MIA2: variants seen among roughly 807,000 people sequenced by gnomAD.
The protein encoded by MIA2 is MIA SH3 domain ER export factor 2.
A neutral mutation model predicts 167.8 loss-of-function variants in MIA2; 127 were observed. The ratio of observed to expected loss-of-function variants is 0.76; its 90% CI spans 0.66 to 0.88. The LOEUF (loss-of-function observed/expected upper bound fraction) is 0.88. MIA2 is among the 40% of genes least tolerant of loss of function. MIA2 has a pLI of 0.00. For missense variants in MIA2, 1,690 were observed against 1,624.7 expected, an observed-to-expected ratio of 1.04 and a Z score of -0.69; for synonymous variants, 552 against 541.9, an observed-to-expected ratio of 1.02 and a Z score of -0.26.
chr14:39,351,074 C>A (rs1158365403), downstream of MIA2: 1 of 151,946 alleles, frequency 6.6e-6, no homozygotes, highest in Non-Finnish European at 1.5e-5. Flanking sequence ...GAGCTTTGGA[C>A]TCAATATCTT....
chr14:39,335,086 C>CA (rs1214841291), intron 25 of MIA2, among the ~76,000 whole-genome samples: 3 of 151,766 alleles, frequency 2.0e-5, no homozygotes, highest in Admixed American at 6.6e-5. Context: ...TCTGTCTCCA[C>CA]AAAAAAACAA....
intron 6 of MIA2, among the ~76,000 whole-genome samples, chr14:39,256,945 T>C (rs982997841): frequency 2.0e-5 from 3 of 152,114 alleles, no homozygotes; most frequent in African/African-American, 7.2e-5. Flanking sequence ...TAATCCTGAG[T>C]TCTAGTTTGA....
intron 6 of MIA2, among the ~76,000 whole-genome samples, chr14:39,257,589 G>A (rs944221388): frequency 1.3e-5 from 2 of 151,998 alleles, no homozygotes; most frequent in African/African-American, 4.8e-5. Context: ...TTACATTTAA[G>A]GTTAATATTG....
chr14:39,288,459 A>ATTTTTTT lies in MIA2; in HGVS notation c.2131-2559_2131-2558insTTTTTTT, dbSNP rs1566747774. ...TATATATATATATATATATATATAT[A>ATTTTTTT]TATATATATATATATATTTTTTTTT... On this transcript the variant is annotated intron_variant, in intron 9 of 28. Transcript: ENST00000640607. Among the ~76,000 whole-genome samples, 16 of 17,280 alleles carry ATTTTTTT rather than the reference A, an allele frequency of 9.3e-4. 2 individuals carry two copies. Among genetic ancestry groups the ATTTTTTT allele is most frequent in the African/African-American group, 2.1e-3 (15 of 7,138 alleles). 11.3% of individuals were successfully genotyped at this position (17,280 alleles called of 152,430 possible).
At chr14:39,337,326 C>T (rs1293188999) in intron 25 of MIA2, among the ~76,000 whole-genome samples, 1 of 152,100 alleles carries the variant, frequency 6.6e-6, no homozygotes, top group African/African-American at 2.4e-5. Flanking sequence ...AAGACAAATC[C>T]AGTTATAATT....
In MIA2 at chr14:39,312,831, TGTA is replaced by T. The variant is rs557400026; in HGVS notation, c.3018-505_3018-503del. Among the ~76,000 whole-genome samples the T allele has an allele frequency of 2.5e-4, 38 of 152,222 alleles. No individual in the cohort carries two copies. In the South Asian group the frequency reaches 5.4e-3, roughly 22 times the overall value. On this transcript the variant is annotated intron_variant, in intron 18 of 28. Coordinates refer to ENST00000640607, the MANE Select transcript of MIA2 (RefSeq NM_001329214.4). ...TATTATTATTATTAATAGAATTAGA[TGTA>T]GTAAATAGGACTGCTACTACTACTG...
At chr14:39,328,407 C>T (rs1313430918) in intron 25 of MIA2, among the ~76,000 whole-genome samples, 2 of 152,130 alleles carry the variant, frequency 1.3e-5, no homozygotes. Flanking sequence ...TTCTCCCATT[C>T]TGTAGGTTGC....
chr14:39,236,972 C>T lies in MIA2; in HGVS notation c.166C>T (p.Arg56Ter), dbSNP rs756537091. 5.0e-6 allele frequency: 8 copies of T among 1,613,756 alleles called. No homozygotes were observed. The highest frequency in any genetic ancestry group is 2.7e-5 in the African/African-American group (2 of 74,884). The change falls in exon 2 of 29, where the codon CGA (arginine) becomes TGA (stop). Residue 56 changes from arginine to a stop codon, truncating the protein, a stop_gained. Transcript: ENST00000640607. LOFTEE classifies it high-confidence loss of function. The part of the protein sequence containing the change: ...AMRDYRGPDC[R>*]YLNFTKGEEI... Reference sequence around the variant, plus strand: ...GAGAGATTATAGAGGACCTGACTGCCGATACCTGAACTTCACTAAGGGAGA... The same window carrying T: ...GAGAGATTATAGAGGACCTGACTGCTGATACCTGAACTTCACTAAGGGAGA...
At chr14:39,287,869 A>T (rs2060035228) in intron 9 of MIA2, among the ~76,000 whole-genome samples, 1 of 151,888 alleles carries the variant, frequency 6.6e-6, no homozygotes, top group East Asian at 1.9e-4. Flanking sequence ...TTTTGAGACA[A>T]GGTCTCGCTT....
rs78987430 is a variant in MIA2, at chr14:39,368,179, C to G, written c.2249-18706C>G. Among the ~76,000 whole-genome samples the G allele has an allele frequency of 1.2e-4, 19 of 152,226 alleles. 1 individual carries two copies. The East Asian group carries it at 3.7e-3, about 29-fold the overall frequency. ...AATGAAGAGATTTATTGAGGAAGAACACCTGTGAAGGATTAAGGGGCGAGA... is the reference window on the plus strand; with the variant it reads ...AATGAAGAGATTTATTGAGGAAGAAGACCTGTGAAGGATTAAGGGGCGAGA... On this transcript the variant is annotated intron_variant, in intron 23 of 23. Coordinates refer to the MIA2 transcript ENST00000341502.
chr14:39,365,009 T>G (rs2074787561), intron 23 of MIA2, among the ~76,000 whole-genome samples: 1 of 152,154 alleles, frequency 6.6e-6, no homozygotes, highest in Non-Finnish European at 1.5e-5. Context: ...ATGTGAGAAC[T>G]TTTCAGCTAT....
In MIA2 at chr14:39,294,946, T is replaced by C. The variant is rs765159302; in HGVS notation, c.2413T>C (p.Phe805Leu). The change falls in exon 13 of 29, where the codon TTT becomes CTT. Residue 805 changes from phenylalanine (F) to leucine (L), a missense_variant. Transcript: ENST00000640607. ...VAEAKMTFKI[F>L]QMNEERLKIA... ...TTAGGCCAAAATGACCTTCAAGATA[T>C]TTCAAATGAATGAAGAACGACTGAA... The C allele has an allele frequency of 6.8e-6, 11 of 1,612,948 alleles. No individual in the cohort carries two copies. The Admixed American group carries it at 1.2e-4, about 17-fold the overall frequency.
At chr14:39,358,551 C>G (rs1490490741) in intron 23 of MIA2, among the ~76,000 whole-genome samples, 1 of 152,060 alleles carries the variant, frequency 6.6e-6, no homozygotes, top group Non-Finnish European at 1.5e-5. Flanking sequence ...TTCTCTCAAC[C>G]CGTTAAAGTC....
At chr14:39,269,123 G>A in intron 6 of MIA2, 1 of 874,118 alleles carries the variant, frequency 1.1e-6, no homozygotes, top group South Asian at 5.4e-5. Context: ...ACCCTGGCCT[G>A]GGGGCTAGGA....
intron 6 of MIA2, among the ~76,000 whole-genome samples, chr14:39,259,381 G>T (rs1250005250): frequency 1.3e-5 from 2 of 152,166 alleles, no homozygotes; most frequent in Non-Finnish European, 2.9e-5. Context: ...CTAGTATACT[G>T]ACTCTCCTGA....
intron 23 of MIA2, among the ~76,000 whole-genome samples, chr14:39,383,855 G>T (rs1270038117): frequency 6.6e-6 from 1 of 152,200 alleles, no homozygotes; most frequent in African/African-American, 2.4e-5. Context: ...GATGAGAGAG[G>T]TGAGGAAGCT....
chr14:39,327,929 T>C (rs1404024698), intron 25 of MIA2, among the ~76,000 whole-genome samples: 12 of 152,242 alleles, frequency 7.9e-5, no homozygotes, highest in Non-Finnish European at 1.6e-4. Flanking sequence ...GCAATAAATA[T>C]ACATGTGCAT....
chr14:39,266,205 G>A (rs2055603018), intron 6 of MIA2: 6 of 985,420 alleles, frequency 6.1e-6, no homozygotes, highest in Non-Finnish European at 7.2e-6. Context: ...CTTCACCAAA[G>A]TACTTGAGTG....
intron 10 of MIA2, among the ~76,000 whole-genome samples, chr14:39,291,665 C>T (rs959581904): frequency 6.6e-6 from 1 of 152,046 alleles, no homozygotes; most frequent in Non-Finnish European, 1.5e-5. Context: ...TGAATACTTC[C>T]ACCATGGCCA....
Sources: allele counts gnomAD v4.1 joint callset (sites outside exome capture counted in the v4.1 genomes callset), GRCh38; gene constraint gnomAD v4.1.1; transcripts MANE v1.5; gene names NCBI Gene and HGNC (gene_info 2026-07-23, HGNC 2026-07-21).